The following FOXJ3 variants were observed in gnomAD, a reference collection of about 807,000 sequenced individuals.
The protein encoded by FOXJ3 is forkhead box J3, also known as forkhead box protein J3.
In FOXJ3, 22 loss-of-function variants were observed where a neutral mutation model predicts 76.1. That is an observed-to-expected ratio of 0.29 (90% CI 0.21 to 0.41). FOXJ3 has a LOEUF of 0.41. Among genes scored for constraint, FOXJ3 ranks in the 10% least tolerant of loss-of-function variants. The pLI, the probability that FOXJ3 is intolerant of heterozygous loss-of-function variation, is 1.00. For synonymous variants in FOXJ3, 269 were observed against 261.2 expected (o/e 1.03, Z -0.29); for missense variants, 613 against 762.1 (o/e 0.80, Z 2.30).
At chr1:42,334,229 G>T in intron 1 of FOXJ3, 1 of 457,180 alleles carries the variant, frequency 2.2e-6, no homozygotes, top group Non-Finnish European at 2.9e-6. Context: ...AGATGTTAAT[G>T]AAACTAAGCC....
chr1:42,334,620 C>A (rs1461005798), intron 1 of FOXJ3, among the ~76,000 whole-genome samples: 1 of 152,230 alleles, frequency 6.6e-6, no homozygotes, highest in East Asian at 1.9e-4. Flanking sequence ...GCCCTGCCGG[C>A]AGAAAAGCGC....
At chr1:42,221,812 G>A (rs528536726) in intron 5 of FOXJ3, among the ~76,000 whole-genome samples, 2 of 149,824 alleles carry the variant, frequency 1.3e-5, no homozygotes, top group African/African-American at 4.9e-5. Context: ...AAAGCAAAAT[G>A]CAAAAAGGTC....
intron 3 of FOXJ3, among the ~76,000 whole-genome samples, chr1:42,273,028 G>A (rs1651976069): frequency 6.6e-6 from 1 of 152,050 alleles, no homozygotes; most frequent in Non-Finnish European, 1.5e-5. Flanking sequence ...TACTCTAGTG[G>A]CATTTACTCT....
intron 3 of FOXJ3, among the ~76,000 whole-genome samples, chr1:42,276,762 G>A (rs537082589): frequency 4.6e-5 from 7 of 152,168 alleles, no homozygotes; most frequent in African/African-American, 9.6e-5. Context: ...CCCCTTAACC[G>A]AAGAATCACA....
At chr1:42,242,571 A>C (rs1468477573) in intron 4 of FOXJ3, among the ~76,000 whole-genome samples, 4 of 151,328 alleles carry the variant, frequency 2.6e-5, no homozygotes, top group Non-Finnish European at 5.9e-5. Context: ...AAGACCAAAA[A>C]AAAAAAAAAA....
At chr1:42,274,474 T>C (rs1029580054) in intron 3 of FOXJ3, among the ~76,000 whole-genome samples, 1 of 152,160 alleles carries the variant, frequency 6.6e-6, no homozygotes, top group South Asian at 2.1e-4. Context: ...AACATGAGCA[T>C]TGAAAAAAAT....
At chr1:42,202,931 C>T (rs375334216) in intron 6 of FOXJ3, among the ~76,000 whole-genome samples, 16 of 152,314 alleles carry the variant, frequency 1.1e-4, no homozygotes, top group Admixed American at 9.8e-4. Flanking sequence ...TCTATTACCA[C>T]GATCTTCTTT....
chr1:42,218,023 T>A (rs186157254), intron 5 of FOXJ3, among the ~76,000 whole-genome samples: 2 of 152,296 alleles, frequency 1.3e-5, no homozygotes, highest in Admixed American at 6.5e-5. Context: ...GGAGACAACA[T>A]GCAGTGCTCC....
At chr1:42,249,290 G>T (rs943557140) in intron 4 of FOXJ3, among the ~76,000 whole-genome samples, 5 of 152,118 alleles carry the variant, frequency 3.3e-5, no homozygotes, top group Non-Finnish European at 5.9e-5. Flanking sequence ...ATTTCTTTGG[G>T]TATAAGGCTC....
chr1:42,315,426 T>G (rs1426255962), intron 1 of FOXJ3: 2 of 984,744 alleles, frequency 2.0e-6, no homozygotes, highest in Non-Finnish European at 1.2e-6. Flanking sequence ...AGCTCAAAAC[T>G]CAGGCAAGGG....
At chr1:42,297,950 G>A (rs966371126) in intron 2 of FOXJ3, among the ~76,000 whole-genome samples, 4 of 152,076 alleles carry the variant, frequency 2.6e-5, no homozygotes, top group African/African-American at 9.7e-5. Context: ...ATTGTTAGAA[G>A]GTAATAAGGT....
At chr1:42,301,506 T>C (rs993593916) in intron 2 of FOXJ3, among the ~76,000 whole-genome samples, 2 of 152,130 alleles carry the variant, frequency 1.3e-5, no homozygotes, top group Non-Finnish European at 2.9e-5. Context: ...CCGGACTTCG[T>C]TCACTTATTT....
At chr1:42,307,493 C>T (rs1454666740) in intron 2 of FOXJ3, among the ~76,000 whole-genome samples, 2 of 152,178 alleles carry the variant, frequency 1.3e-5, no homozygotes, top group East Asian at 1.9e-4. Flanking sequence ...CTTTATGTTA[C>T]TTAGTTAACA....
At chr1:42,271,996 A>T (rs1651899970) in intron 3 of FOXJ3, among the ~76,000 whole-genome samples, 1 of 152,208 alleles carries the variant, frequency 6.6e-6, no homozygotes, top group Admixed American at 6.5e-5. Context: ...ATACAAAATC[A>T]TTCAATTATG....
chr1:42,231,034 G>C (rs1348088988), intron 4 of FOXJ3, among the ~76,000 whole-genome samples: 2 of 152,088 alleles, frequency 1.3e-5, no homozygotes, highest in African/African-American at 4.8e-5. Context: ...GGATATTCTG[G>C]CCAGGCGCCG....
chr1:42,223,113 A>C (rs932038225), intron 5 of FOXJ3, among the ~76,000 whole-genome samples: 1 of 152,234 alleles, frequency 6.6e-6, no homozygotes, highest in African/African-American at 2.4e-5. Flanking sequence ...CCTGGCACAC[A>C]GTATCTACAG....
intron 3 of FOXJ3, among the ~76,000 whole-genome samples, chr1:42,268,724 A>G (rs1348859500): frequency 6.6e-6 from 1 of 152,154 alleles, no homozygotes; most frequent in Non-Finnish European, 1.5e-5. Flanking sequence ...GTTTAATACT[A>G]TTTGAAGGTA....
chr1:42,201,866 T>C (rs1011327648), intron 6 of FOXJ3, among the ~76,000 whole-genome samples: 4 of 152,292 alleles, frequency 2.6e-5, no homozygotes, highest in South Asian at 2.1e-4. Context: ...TATAAAGAAA[T>C]ATTTTTTAAT....
At chr1:42,268,150 T>A (rs567677780) in intron 3 of FOXJ3, among the ~76,000 whole-genome samples, 5 of 151,394 alleles carry the variant, frequency 3.3e-5, no homozygotes, top group African/African-American at 1.2e-4. Context: ...AAAATCCACA[T>A]CCCCATATTA....
Sources: allele counts gnomAD v4.1 joint callset (sites outside exome capture counted in the v4.1 genomes callset), GRCh38; gene constraint gnomAD v4.1.1; transcripts MANE v1.5; gene names NCBI Gene and HGNC (gene_info 2026-07-23, HGNC 2026-07-21).